The following PPARGC1A variants were observed in gnomAD, a reference collection of about 807,000 sequenced individuals.
PPARGC1A encodes the protein peroxisome proliferator-activated receptor gamma coactivator 1-alpha.
PPARGC1A carries 25 observed loss-of-function variants against 88.7 expected under a neutral mutation model. That is an observed-to-expected ratio of 0.28 (90% CI 0.21 to 0.39). PPARGC1A has a LOEUF of 0.39. Among genes scored for constraint, PPARGC1A ranks in the 10% least tolerant of loss-of-function variants. The pLI, the probability that PPARGC1A is intolerant of heterozygous loss-of-function variation, is 1.00. For missense variants in PPARGC1A, 880 were observed against 968.7 expected (o/e 0.91, Z 1.22); for synonymous variants, 363 against 355.6 (o/e 1.02, Z -0.24).
At chr4:24,437,400 C>G in the PPARGC1A span, among the ~76,000 whole-genome samples, 3 of 152,078 alleles carry the variant, frequency 2.0e-5, no homozygotes, top group Non-Finnish European at 1.5e-5. Flanking sequence ...TGAGCCAGCT[C>G]AGTGCTGAGG....
At chr4:24,067,492 C>A in the PPARGC1A span, among the ~76,000 whole-genome samples, 5 of 152,142 alleles carry the variant, frequency 3.3e-5, no homozygotes, top group African/African-American at 7.2e-5. Context: ...TCCGCGTATG[C>A]TCAAAAGGAC....
chr4:24,000,184 C>A, the PPARGC1A span, among the ~76,000 whole-genome samples: 1 of 152,048 alleles, frequency 6.6e-6, no homozygotes, highest in African/African-American at 2.4e-5. Flanking sequence ...TTCAGGCCAA[C>A]GAAATTACTT....
At chr4:24,225,568 T>TA in the PPARGC1A span, among the ~76,000 whole-genome samples, 599 of 131,764 alleles carry the variant, frequency 4.5e-3, 2 homozygotes, top group East Asian at 0.012. Flanking sequence ...CAAAACAAAA[T>TA]AAAAAAAAAA....
At chr4:23,944,246 T>C in the PPARGC1A span, among the ~76,000 whole-genome samples, 1 of 152,202 alleles carries the variant, frequency 6.6e-6, no homozygotes, top group Non-Finnish European at 1.5e-5. Context: ...TCTAAAAAGA[T>C]TCTAAAATAA....
chr4:23,910,322 A>T, the PPARGC1A span, among the ~76,000 whole-genome samples: 8 of 81,326 alleles, frequency 9.8e-5, no homozygotes, highest in East Asian at 2.9e-3. Flanking sequence ...AATATTATAT[A>T]TATTATATAT....
At chr4:24,417,247 A>G in the PPARGC1A span, among the ~76,000 whole-genome samples, 5,205 of 152,290 alleles carry the variant, frequency 0.034, 134 homozygotes, top group South Asian at 0.091. Flanking sequence ...TAACAGTATT[A>G]AAGCAGTCAA....
the PPARGC1A span, among the ~76,000 whole-genome samples, chr4:24,048,923 C>T: frequency 6.6e-6 from 1 of 152,024 alleles, no homozygotes; most frequent in Non-Finnish European, 1.5e-5. Context: ...CATTTCTGCA[C>T]CTCAGTTTCT....
In PPARGC1A at chr4:23,884,152, C is replaced by T. The variant is rs910981172; in HGVS notation, c.234+600G>A. 7.2e-5 allele frequency: 11 copies of T among 152,076 alleles called. No homozygotes were observed. In the South Asian group the frequency reaches 8.3e-4, roughly 12 times the overall value. 9.4% of individuals were successfully genotyped at this position (152,076 alleles called of 1,614,324 possible). A position where few individuals can be genotyped will look rare whatever the true frequency, so the allele number is the denominator to read the frequency against. ...ATAGGGTAGGCTTATAATAAGAGTCCGGAGTCACGGAGGTAATTCTTGCTA... is the reference window on the plus strand; with the variant it reads ...ATAGGGTAGGCTTATAATAAGAGTCTGGAGTCACGGAGGTAATTCTTGCTA... On this transcript the variant is annotated intron_variant, in intron 2 of 12. Transcript: ENST00000264867.
the PPARGC1A span, among the ~76,000 whole-genome samples, chr4:24,113,750 G>A: frequency 6.6e-6 from 1 of 152,094 alleles, no homozygotes; most frequent in Non-Finnish European, 1.5e-5. Context: ...AACACTTAGT[G>A]TGAAGATGTG....
rs571800013 is a variant in PPARGC1A, at chr4:23,854,436, C to T, written c.235-22685G>A. On this transcript the variant is annotated intron_variant, in intron 2 of 12. Transcript: ENST00000264867. ...AATGAAGGCACATCATCAGCACATCCAGACTTCATATAAAATTTGATTATG... is the reference window on the plus strand; with the variant it reads ...AATGAAGGCACATCATCAGCACATCTAGACTTCATATAAAATTTGATTATG... Among the ~76,000 whole-genome samples the T allele has an allele frequency of 5.9e-5, 9 of 152,250 alleles. No homozygotes were observed. The South Asian group carries it at 1.9e-3, about 32-fold the overall frequency.
chr4:23,933,529 G>A, the PPARGC1A span, among the ~76,000 whole-genome samples: 5 of 152,272 alleles, frequency 3.3e-5, no homozygotes, highest in East Asian at 7.7e-4. Flanking sequence ...TGTGGAAATG[G>A]GTGACAGAGG....
the PPARGC1A span, among the ~76,000 whole-genome samples, chr4:24,057,664 C>A: frequency 6.6e-6 from 1 of 152,058 alleles, no homozygotes. Flanking sequence ...TGTGTACATC[C>A]CTCTTCCTCA....
the PPARGC1A span, among the ~76,000 whole-genome samples, chr4:23,925,132 T>A: frequency 2.0e-5 from 3 of 152,222 alleles, no homozygotes; most frequent in Admixed American, 6.5e-5. Context: ...TTTAATTAAC[T>A]TTTCTAAAAA....
chr4:24,396,259 C>T, the PPARGC1A span, among the ~76,000 whole-genome samples: 4 of 152,082 alleles, frequency 2.6e-5, no homozygotes, highest in African/African-American at 7.2e-5. Context: ...ACGATGGGGG[C>T]GGCTCAGAGG....
the PPARGC1A span, among the ~76,000 whole-genome samples, chr4:24,196,579 G>A: frequency 1.3e-5 from 2 of 152,208 alleles, no homozygotes; most frequent in East Asian, 3.9e-4. Context: ...CTGCAATGCA[G>A]TAGCCAGGCT....
At chr4:24,289,070 A>C in the PPARGC1A span, among the ~76,000 whole-genome samples, 1 of 152,126 alleles carries the variant, frequency 6.6e-6, no homozygotes, top group South Asian at 2.1e-4. Flanking sequence ...AAATACAAAA[A>C]TTAGCTGGGC....
At chr4:24,343,076 A>G in the PPARGC1A span, among the ~76,000 whole-genome samples, 3 of 152,214 alleles carry the variant, frequency 2.0e-5, no homozygotes, top group South Asian at 6.2e-4. Context: ...CCAAGGAACC[A>G]GAATAGAACG....
the PPARGC1A span, among the ~76,000 whole-genome samples, chr4:23,966,468 G>A: frequency 3.3e-5 from 5 of 152,136 alleles, no homozygotes; most frequent in Non-Finnish European, 5.9e-5. Context: ...CATGGACAGG[G>A]CAGTAGAGAT....
chr4:24,174,667 G>T, the PPARGC1A span, among the ~76,000 whole-genome samples: 1 of 152,142 alleles, frequency 6.6e-6, no homozygotes, highest in Non-Finnish European at 1.5e-5. Context: ...TTATCCTTAA[G>T]TGTCAGAGCT....
Sources: gnomAD v4.1 joint callset for allele counts (sites outside exome capture counted in the v4.1 genomes callset) on GRCh38, gnomAD v4.1.1 for gene constraint, MANE v1.5 for transcripts, NCBI Gene and HGNC (gene_info 2026-07-23, HGNC 2026-07-21) for gene names.